The following CD36 variants were observed in gnomAD, a reference collection of about 807,000 sequenced individuals.
The protein encoded by CD36 is CD36 molecule (CD36 blood group).
A neutral mutation model predicts 55.2 loss-of-function variants in CD36; 119 were observed. The observed-to-expected ratio is 2.15, with a 90% CI of 1.86 to 2.51. The LOEUF (loss-of-function observed/expected upper bound fraction) is 2.51. CD36 is among the 30% of genes most tolerant of loss of function. The pLI is 0.00. For missense variants in CD36, 819 were observed against 555.5 expected (o/e 1.47, Z -4.77); for synonymous variants, 186 against 193.6 (o/e 0.96, Z 0.33).
chr7:80,675,552 T>C (rs554179260), intron 14 of CD36, among the ~76,000 whole-genome samples: 1 of 152,248 alleles, frequency 6.6e-6, no homozygotes, highest in East Asian at 1.9e-4. Context: ...TCAACAAATA[T>C]ATTAGTTTTG....
chr7:80,632,576 A>G (rs1040448209), intron 1 of CD36, among the ~76,000 whole-genome samples: 13 of 151,994 alleles, frequency 8.6e-5, no homozygotes, highest in African/African-American at 3.1e-4. Context: ...TAGTGTGTTT[A>G]TTTATTAAAT....
At chr7:80,649,868 A>G (rs1267641605) in intron 3 of CD36, among the ~76,000 whole-genome samples, 3 of 148,334 alleles carry the variant, frequency 2.0e-5, no homozygotes, top group Non-Finnish European at 1.5e-5. Flanking sequence ...AAACAAACAA[A>G]GAGTACAATC....
rs1282209792 is a variant in CD36, at chr7:80,663,143, A to G, written c.583A>G (p.Thr195Ala). ...TTTGAGTTTGGTTCCGTACCCTGTT[A>G]CTACCACAGTTGGTCTGTTTTATCC... ...PFLSLVPYPV[T>A]TTVGLFYPYN... Residue 195 changes from threonine to alanine, a missense_variant, in exon 6 of 15, where the codon ACT (threonine) becomes GCT (alanine). By Grantham distance (58) the Thr-to-Ala change is moderately conservative. Coordinates refer to ENST00000447544, the MANE Select transcript of CD36 (RefSeq NM_001001548.3). 3.1e-6 allele frequency: 5 copies of G among 1,613,560 alleles called. No individual in the cohort carries two copies. Among genetic ancestry groups the G allele is most frequent in the African/African-American group, 2.7e-5 (2 of 74,922 alleles).
intron 5 of CD36, chr7:80,662,653 G>A (rs1009710052): frequency 1.5e-5 from 5 of 335,170 alleles, no homozygotes; most frequent in South Asian, 5.1e-5. Context: ...GTATACATGT[G>A]CCATGGTGCT....
chr7:80,615,369 G>A (rs572294511), intron 1 of CD36, among the ~76,000 whole-genome samples: 27 of 152,190 alleles, frequency 1.8e-4, no homozygotes, highest in Middle Eastern at 3.4e-3. Context: ...TCAAGGTCTG[G>A]TATCCACCTG....
intron 5 of CD36, among the ~76,000 whole-genome samples, chr7:80,661,684 AAAAC>A (rs200163390): frequency 0.022 from 3,275 of 152,198 alleles, 105 homozygotes; most frequent in East Asian, 0.097. Context: ...TAACCAAACA[AAAAC>A]AAACAAACAA....
intron 1 of CD36, among the ~76,000 whole-genome samples, chr7:80,615,091 A>C (rs1793073286): frequency 6.6e-6 from 1 of 152,126 alleles, no homozygotes; most frequent in African/African-American, 2.4e-5. Flanking sequence ...AACTGCAAGC[A>C]CATTCCCGTT....
intron 8 of CD36, among the ~76,000 whole-genome samples, chr7:80,668,155 T>C (rs763951470): frequency 5.9e-5 from 9 of 152,204 alleles, no homozygotes; most frequent in Admixed American, 1.3e-4. Flanking sequence ...ATGCTAGTAG[T>C]TGTATAAGCG....
intron 8 of CD36, among the ~76,000 whole-genome samples, chr7:80,669,331 T>C (rs1797418821): frequency 6.6e-6 from 1 of 152,236 alleles, no homozygotes; most frequent in Non-Finnish European, 1.5e-5. Flanking sequence ...AAATGTGCTG[T>C]AAATATAAAA....
chr7:80,631,568 T>TA (rs1794074168), intron 1 of CD36, among the ~76,000 whole-genome samples: 2 of 151,706 alleles, frequency 1.3e-5, no homozygotes, highest in African/African-American at 4.8e-5. Flanking sequence ...TTTTTTTTTT[T>TA]ATTTCAAGAA....
chr7:80,656,732 T>C (rs776469010), intron 4 of CD36, 32 bp downstream of exon 4: 6 of 1,586,880 alleles, frequency 3.8e-6, no homozygotes, highest in Non-Finnish European at 5.2e-6. Context: ...TGAGACACTC[T>C]TACCTTGACC....
rs1562815170 is a variant in CD36, at chr7:80,666,444, AAT to A, written c.704_705del (p.Asn235ThrfsTer12). The A allele has an allele frequency of 2.5e-6, 4 of 1,593,474 alleles. No individual in the cohort carries two copies. Among genetic ancestry groups the A allele is most frequent in the Non-Finnish European group, 3.4e-6 (4 of 1,161,770 alleles). ...TTCATTGTCTTTTTCTATTCCTAGG[AAT>A]CTGTCCTATTGGGAAAGTCACTGCG... The part of the protein sequence containing the change: ...AIIDTYKGKR[N>X]LSYWESHCDM... On this transcript the variant is annotated frameshift_variant and splice_region_variant, in exon 8 of 15. Transcript: ENST00000447544. LOFTEE classifies it high-confidence loss of function.
rs1034180562 is a variant in CD36 at position 80,656,526 on chromosome 7, T to C, written c.121-14T>C. On this transcript the variant is annotated splice_polypyrimidine_tract_variant and intron_variant, in intron 3 of 14. Coordinates refer to ENST00000447544, the MANE Select transcript of CD36 (RefSeq NM_001001548.3). The stretch of plus-strand genomic sequence containing the variant: ...CTACAAAGACATAACCCAAACTTAT[T>C]TTCTTTTTCATAGCAAGTTGTCCTC... 3 of 1,612,638 alleles carry C rather than the reference T, an allele frequency of 1.9e-6. No individual in the cohort carries two copies. The highest frequency in any genetic ancestry group is 2.7e-5 in the African/African-American group (2 of 74,862).
intron 1 of CD36, among the ~76,000 whole-genome samples, chr7:80,607,261 G>T (rs755416987): frequency 7.4e-5 from 11 of 148,020 alleles, no homozygotes; most frequent in Non-Finnish European, 1.6e-4. Context: ...CAATCTGAAT[G>T]GTCCTTTGAA....
intron 13 of CD36, 55 bp from the exon 14 acceptor site, chr7:80,673,928 T>C: frequency 7.5e-7 from 1 of 1,336,862 alleles, no homozygotes; most frequent in Non-Finnish European, 1.1e-6. Flanking sequence ...AATTGAAGGG[T>C]TTATTTTGTT....
At chr7:80,657,579 G>A (rs1274596949) in intron 4 of CD36, among the ~76,000 whole-genome samples, 1 of 152,074 alleles carries the variant, frequency 6.6e-6, no homozygotes, top group African/African-American at 2.4e-5. Context: ...ACTTGTCCAT[G>A]TTCACACAGA....
At chr7:80,612,745 A>G (rs1189532031) in intron 1 of CD36, among the ~76,000 whole-genome samples, 1 of 152,144 alleles carries the variant, frequency 6.6e-6, no homozygotes, top group Non-Finnish European at 1.5e-5. Context: ...TGACAGATAT[A>G]ATTGTATGTA....
chr7:80,622,801 C>G (rs914388222), intron 1 of CD36, among the ~76,000 whole-genome samples: 2 of 152,134 alleles, frequency 1.3e-5, no homozygotes, highest in African/African-American at 4.8e-5. Context: ...AAGAATTGTC[C>G]TCTGTGTATA....
At chr7:80,634,793 G>T (rs1475752889), upstream of CD36, among the ~76,000 whole-genome samples, 1 of 151,840 alleles carries the variant, frequency 6.6e-6, no homozygotes, top group African/African-American at 2.4e-5. Context: ...AATGCTAAAA[G>T]AAAGTTTATT....
Sources: allele counts gnomAD v4.1 joint callset (sites outside exome capture counted in the v4.1 genomes callset), GRCh38; gene constraint gnomAD v4.1.1; transcripts MANE v1.5; gene names NCBI Gene and HGNC (gene_info 2026-07-23, HGNC 2026-07-21).